The following KHDRBS3 variants were observed in gnomAD, a reference collection of about 807,000 sequenced individuals.
KHDRBS3 encodes KH domain-containing, RNA-binding, signal transduction-associated protein 3.
KHDRBS3 carries 23 observed loss-of-function variants against 45.6 expected under a neutral mutation model. The observed-to-expected ratio is 0.50, with a 90% CI of 0.36 to 0.72. KHDRBS3 has a LOEUF of 0.72. Ranked by LOEUF, KHDRBS3 falls within the 30% of genes least tolerant of loss-of-function variation. The pLI, the probability that KHDRBS3 is intolerant of heterozygous loss-of-function variation, is 0.00. For synonymous variants in KHDRBS3, 162 were observed against 156.5 expected (o/e 1.04, Z -0.26); for missense variants, 352 against 424.8 (o/e 0.83, Z 1.51).
rs764334574 is a variant in KHDRBS3, at chr8:135,557,523, G to A, written c.547G>A (p.Val183Ile). ...YLNGGSENAD[V>I]PVVRGKPTLR... is the part of the protein sequence containing the mutation. ...GAATGGTGGTTCAGAAAATGCAGATGTTCCAGTGGTTCGAGGGAAACCCAC... is the reference window on the plus strand; with the variant it reads ...GAATGGTGGTTCAGAAAATGCAGATATTCCAGTGGTTCGAGGGAAACCCAC... The change falls in exon 5 of 9, where the codon GTT becomes ATT. Residue 183 changes from valine to isoleucine, a missense_variant. Physicochemically the swap from Val to Ile is conservative, Grantham distance 29. Transcript: ENST00000355849. 21 of 1,610,058 alleles carry A rather than the reference G, an allele frequency of 1.3e-5. No homozygotes were observed. The highest frequency in any genetic ancestry group is 1.7e-5 in the Non-Finnish European group (20 of 1,176,390).
chr8:135,608,492 A>G (rs1210819760), intron 7 of KHDRBS3, among the ~76,000 whole-genome samples: 4 of 152,172 alleles, frequency 2.6e-5, no homozygotes, highest in African/African-American at 9.7e-5. Flanking sequence ...AGCTGATGGT[A>G]TTGCTGTAGA....
chr8:135,633,254 C>G (rs1183540834), intron 7 of KHDRBS3, among the ~76,000 whole-genome samples: 4 of 152,110 alleles, frequency 2.6e-5, no homozygotes, highest in African/African-American at 7.2e-5. Flanking sequence ...TGTGCATGGC[C>G]ACTGCTGAAG....
At chr8:135,465,864 C>A (rs562897765) in intron 1 of KHDRBS3, among the ~76,000 whole-genome samples, 64 of 152,268 alleles carry the variant, frequency 4.2e-4, no homozygotes, top group African/African-American at 1.5e-3. Flanking sequence ...TGTGAGGGCA[C>A]CCTTTTAAAT....
At chr8:135,559,824 C>G (rs1827082663) in intron 5 of KHDRBS3, among the ~76,000 whole-genome samples, 1 of 152,170 alleles carries the variant, frequency 6.6e-6, no homozygotes, top group African/African-American at 2.4e-5. Flanking sequence ...ACCTCCCAAT[C>G]AAGAAATTAT....
At chr8:135,557,367 A>C (rs1231372673) in intron 4 of KHDRBS3, 81 bp from the exon 5 acceptor site, 1 of 760,558 alleles carries the variant, frequency 1.3e-6, no homozygotes, top group Non-Finnish European at 2.0e-6. Context: ...TTTTTCTATT[A>C]AGAATTACTT....
chr8:135,645,810 G>A (rs1831258771), intron 8 of KHDRBS3, among the ~76,000 whole-genome samples: 1 of 152,192 alleles, frequency 6.6e-6, no homozygotes, highest in Non-Finnish European at 1.5e-5. Flanking sequence ...AGAACATGAA[G>A]CTTCAATCAG....
In KHDRBS3 at chr8:135,643,244, T is replaced by C. The variant is rs1034024132; in HGVS notation, c.891-1815T>C. 5.3e-5 allele frequency among the ~76,000 whole-genome samples: 8 copies of C among 152,206 alleles called. No individual in the cohort carries two copies. The East Asian group carries it at 5.8e-4, about 11-fold the overall frequency. ...TGCCATTGCCTCTGTCCATTCCTTCTCCACCTGTCTTCACCTTCACCCTCA... is the reference window on the plus strand; with the variant it reads ...TGCCATTGCCTCTGTCCATTCCTTCCCCACCTGTCTTCACCTTCACCCTCA... On this transcript the variant is annotated intron_variant, in intron 7 of 8. Transcript: ENST00000355849.
intron 7 of KHDRBS3, among the ~76,000 whole-genome samples, chr8:135,635,662 C>T (rs1455895827): frequency 3.3e-5 from 5 of 152,282 alleles, no homozygotes; most frequent in South Asian, 2.1e-4. Context: ...GGATTACAGG[C>T]GTGAGCCACT....
intron 2 of KHDRBS3, chr8:135,541,342 T>TC (rs1333994734): frequency 6.6e-6 from 1 of 152,230 alleles, no homozygotes; most frequent in Non-Finnish European, 1.5e-5. Context: ...CTCCACTTTT[T>TC]CACTCTGTAG....
At chr8:135,510,068 C>T (rs1294601657) in intron 1 of KHDRBS3, among the ~76,000 whole-genome samples, 2 of 151,110 alleles carry the variant, frequency 1.3e-5, no homozygotes, top group Non-Finnish European at 2.9e-5. Flanking sequence ...CAGCCTTGAC[C>T]TCCTGGGCTC....
chr8:135,537,325 A>G (rs764752825), intron 2 of KHDRBS3, among the ~76,000 whole-genome samples: 64 of 152,128 alleles, frequency 4.2e-4, no homozygotes, highest in Non-Finnish European at 1.6e-4. Flanking sequence ...GTTATGGGAA[A>G]CCTTTTAATG....
chr8:135,534,445 CTG>C (rs1825633943), intron 2 of KHDRBS3, among the ~76,000 whole-genome samples: 1 of 152,050 alleles, frequency 6.6e-6, no homozygotes, highest in Non-Finnish European at 1.5e-5. Context: ...TATTCCTTGC[CTG>C]TCATAAGTTA....
rs191939864 is a variant in KHDRBS3, at chr8:135,553,161, G to A, written c.471+4261G>A. Reference sequence around the variant, plus strand: ...CTAGCCTGGTGGTCAGTTTCTTGACGCAACCCAAGATGGCAATACTAGGTG... The same window carrying A: ...CTAGCCTGGTGGTCAGTTTCTTGACACAACCCAAGATGGCAATACTAGGTG... On this transcript the variant is annotated intron_variant, in intron 4 of 8. Transcript: ENST00000355849. Among the ~76,000 whole-genome samples, 107 of 152,144 alleles carry A rather than the reference G, an allele frequency of 7.0e-4. 1 individual carries two copies. Among genetic ancestry groups the A allele is most frequent in the African/African-American group, 2.0e-3 (82 of 41,500 alleles).
intron 6 of KHDRBS3, among the ~76,000 whole-genome samples, chr8:135,591,756 C>A (rs1296563586): frequency 3.3e-5 from 5 of 152,102 alleles, no homozygotes. Flanking sequence ...TGAAGTCATC[C>A]TTCTCACTTT....
chr8:135,488,862 T>C (rs1210484391), intron 1 of KHDRBS3, among the ~76,000 whole-genome samples: 1 of 152,230 alleles, frequency 6.6e-6, no homozygotes, highest in East Asian at 1.9e-4. Flanking sequence ...TAATAAGTGA[T>C]GCTTATGCTT....
At chr8:135,468,572 C>G (rs1821819655) in intron 1 of KHDRBS3, among the ~76,000 whole-genome samples, 1 of 152,196 alleles carries the variant, frequency 6.6e-6, no homozygotes, top group Non-Finnish European at 1.5e-5. Flanking sequence ...CAGCCACAGA[C>G]ACTATGTAAA....
intron 7 of KHDRBS3, among the ~76,000 whole-genome samples, chr8:135,633,881 A>G (rs1203578648): frequency 6.6e-6 from 1 of 152,214 alleles, no homozygotes. Context: ...ACACATGATC[A>G]TCACTCAAAG....
At chr8:135,650,936 G>A (rs371573480), downstream of KHDRBS3, among the ~76,000 whole-genome samples, 9 of 152,172 alleles carry the variant, frequency 5.9e-5, no homozygotes, top group African/African-American at 1.9e-4. Context: ...AACACCTGCT[G>A]TGTTGCAGAT....
Position 135,645,083 on chromosome 8 carries a change from A to T in KHDRBS3, c.915A>T (p.Gly305=). 1 of 1,613,694 alleles carries T rather than the reference A, an allele frequency of 6.2e-7. No homozygotes were observed. Among genetic ancestry groups the T allele is most frequent in the East Asian group, 2.2e-5 (1 of 44,864 alleles). ...GTGGTGCTGATTACTATGATTACGG[A>T]CATGGACTCAGTGAGGAGACTTATG... The part of the protein sequence containing the change: ...AQSGADYYDY[G]HGLSEETYDS... Residue 305 remains glycine (G), a synonymous_variant, in exon 8 of 9, where the codon GGA becomes GGT. Coordinates refer to ENST00000355849, the MANE Select transcript of KHDRBS3 (RefSeq NM_006558.3).
Sources: gnomAD v4.1 joint callset for allele counts (sites outside exome capture counted in the v4.1 genomes callset) on GRCh38, gnomAD v4.1.1 for gene constraint, MANE v1.5 for transcripts, NCBI Gene and HGNC (gene_info 2026-07-23, HGNC 2026-07-21) for gene names.